The following COPS4 variants were observed in gnomAD, a reference collection of about 807,000 sequenced individuals.
COPS4 encodes COP9 signalosome subunit 4, also known as COP9 signalosome complex subunit 4.
In COPS4, 8 loss-of-function variants were observed where a neutral mutation model predicts 55.1. The observed-to-expected ratio is 0.15, with a 90% CI of 0.09 to 0.26. The LOEUF is 0.26. Ranked by LOEUF, COPS4 falls within the 10% of genes least tolerant of loss-of-function variation. The probability of loss-of-function intolerance (pLI) is 1.00; values close to 1 mark genes in which losing one functional copy is unlikely to be tolerated. For synonymous variants in COPS4, 185 were observed against 165.7 expected, an observed-to-expected ratio of 1.12 and a Z score of -0.90; for missense variants, 248 against 484.0, an observed-to-expected ratio of 0.51 and a Z score of 4.58.
chr4:83,062,458 G>T (rs959246321), intron 6 of COPS4, among the ~76,000 whole-genome samples: 5 of 152,182 alleles, frequency 3.3e-5, no homozygotes, highest in African/African-American at 9.7e-5. Flanking sequence ...TTGCAGATAT[G>T]TGCAGGGTGG....
Position 83,068,322 on chromosome 4 carries a change from A to C in COPS4, c.1003-116A>C, listed in dbSNP as rs1045680286. 7.4e-6 allele frequency: 5 copies of C among 674,266 alleles called. 1 individual carries two copies. In the South Asian group the frequency reaches 8.5e-5, roughly 11 times the overall value. The allele number at this position is 674,266 out of a possible 1,614,324, so 41.8% of individuals were successfully genotyped here. A position where few individuals can be genotyped will look rare whatever the true frequency, so the allele number is the denominator to read the frequency against. On this transcript the variant is annotated intron_variant, in intron 8 of 9. Coordinates refer to ENST00000264389, the MANE Select transcript of COPS4 (RefSeq NM_016129.3). ...GATTTACTCTTCTAGTGGCAGATTA[A>C]TGTATATGTAAAGTTTAGTGATGGT...
chr4:83,044,225 ACC>A (rs1193283835), intron 1 of COPS4, among the ~76,000 whole-genome samples: 4 of 149,788 alleles, frequency 2.7e-5, no homozygotes, highest in South Asian at 2.1e-4. Flanking sequence ...TGGGCGGATC[ACC>A]TGAGGTCAGG....
At chr4:83,067,224 C>A (rs749831438) in intron 8 of COPS4, among the ~76,000 whole-genome samples, 1 of 151,778 alleles carries the variant, frequency 6.6e-6, no homozygotes, top group Non-Finnish European at 1.5e-5. Context: ...CACATCACCA[C>A]GCCTGGCTAA....
At chr4:83,070,921 T>C (rs1423047727) in intron 9 of COPS4, among the ~76,000 whole-genome samples, 3 of 152,212 alleles carry the variant, frequency 2.0e-5, no homozygotes, top group Admixed American at 6.5e-5. Context: ...TTCTCTTGCA[T>C]AAGTCTTCTT....
At chr4:83,062,978 T>A (rs1375515069) in intron 6 of COPS4, 98 bp from the exon 7 acceptor site, 6 of 1,006,390 alleles carry the variant, frequency 6.0e-6, no homozygotes, top group Non-Finnish European at 8.7e-6. Context: ...GCTGTATATT[T>A]AGTAGACAAA....
chr4:83,063,744 T>C (rs1292565275), intron 7 of COPS4, among the ~76,000 whole-genome samples: 5 of 143,428 alleles, frequency 3.5e-5, no homozygotes, highest in Non-Finnish European at 7.6e-5. Context: ...AGTTTTACTC[T>C]TGTCGCCCAG....
Position 83,063,238 on chromosome 4 carries a change from C to T in COPS4, c.878C>T (p.Thr293Ile). The change falls in exon 7 of 10, where the codon ACA becomes ATA. Residue 293 changes from threonine to isoleucine, a missense_variant. Thr to Ile is a moderately conservative substitution (Grantham distance 89). Coordinates refer to ENST00000264389, the MANE Select transcript of COPS4 (RefSeq NM_016129.3). ...AMLMPHQKAT[T>I]ADGSSILDRA... is the part of the protein sequence containing the mutation. ...CTGATGCCTCACCAAAAAGCAACTA[C>T]AGCTGATGGTAATGATCCTGTCTTA... 3.1e-6 allele frequency: 5 copies of T among 1,612,618 alleles called. No homozygotes were observed. Among genetic ancestry groups the T allele is most frequent in the Non-Finnish European group, 4.2e-6 (5 of 1,179,386 alleles).
In COPS4 at chr4:83,049,207, C is replaced by A; in HGVS notation, c.196C>A (p.Leu66Met). 1 of 1,607,790 alleles carries A rather than the reference C, an allele frequency of 6.2e-7. No homozygotes were observed. Among genetic ancestry groups the A allele is most frequent in the Middle Eastern group, 1.7e-4 (1 of 6,050 alleles). ...NVSLVISRQL[L>M]TDFCTHLPNL... is the part of the protein sequence containing the mutation. ...CAGTCTCGTGATCTCGCGGCAGTTGCTGACTGATTTTTGCACACATCTTCC... is the reference window on the plus strand; with the variant it reads ...CAGTCTCGTGATCTCGCGGCAGTTGATGACTGATTTTTGCACACATCTTCC... Residue 66 changes from leucine (L) to methionine (M), a missense_variant, in exon 3 of 10, where the codon CTG becomes ATG. By Grantham distance (15) the Leu-to-Met change is conservative. Transcript: ENST00000264389.
At chr4:83,067,224 C>T (rs749831438) in intron 8 of COPS4, among the ~76,000 whole-genome samples, 26 of 151,778 alleles carry the variant, frequency 1.7e-4, no homozygotes, top group Non-Finnish European at 3.1e-4. Context: ...CACATCACCA[C>T]GCCTGGCTAA....
intron 9 of COPS4, among the ~76,000 whole-genome samples, chr4:83,072,806 G>C (rs1414291195): frequency 6.6e-6 from 1 of 152,040 alleles, no homozygotes; most frequent in Non-Finnish European, 1.5e-5. Flanking sequence ...CAATAATATG[G>C]TAATAAACAA....
intron 7 of COPS4, chr4:83,065,182 T>G (rs1167715497): frequency 4.3e-6 from 2 of 466,200 alleles, no homozygotes; most frequent in Non-Finnish European, 7.6e-6. Flanking sequence ...GCCTGCTTTT[T>G]TGAACATATT....
intron 9 of COPS4, among the ~76,000 whole-genome samples, chr4:83,071,864 A>C (rs1160239445): frequency 6.6e-6 from 1 of 151,892 alleles, no homozygotes; most frequent in Admixed American, 6.6e-5. Context: ...GGCACACGCC[A>C]CCATACCCAG....
chr4:83,042,243 A>C (rs1021796790), intron 1 of COPS4, among the ~76,000 whole-genome samples: 1 of 152,206 alleles, frequency 6.6e-6, no homozygotes, highest in Non-Finnish European at 1.5e-5. Context: ...ATGATCTTCA[A>C]ATACAAAGGT....
intron 4 of COPS4, 149 bp from the exon 5 acceptor site, chr4:83,056,777 C>T (rs964704930): frequency 4.2e-5 from 24 of 575,276 alleles, no homozygotes; most frequent in Non-Finnish European, 5.1e-5. Context: ...CCAGCCTGGG[C>T]GACAGAGCAA....
At chr4:83,060,339 A>G (rs1485479891) in intron 6 of COPS4, among the ~76,000 whole-genome samples, 10 of 127,064 alleles carry the variant, frequency 7.9e-5, no homozygotes, top group Non-Finnish European at 1.4e-4. Flanking sequence ...GCCCGCCACC[A>G]CGCGCAGCTA....
chr4:83,061,132 GA>G (rs1731156334), intron 6 of COPS4, among the ~76,000 whole-genome samples: 1 of 151,222 alleles, frequency 6.6e-6, no homozygotes, highest in Non-Finnish European at 1.5e-5. Flanking sequence ...TCTTCTGCAT[GA>G]ACTTTTTTTT....
chr4:83,054,893 TCTGA>T (rs1730978483), intron 4 of COPS4, among the ~76,000 whole-genome samples: 1 of 152,246 alleles, frequency 6.6e-6, no homozygotes, highest in Non-Finnish European at 1.5e-5. Context: ...AATGATTCAT[TCTGA>T]TTATGAAAGT....
intron 8 of COPS4, among the ~76,000 whole-genome samples, chr4:83,068,014 C>T (rs1731331507): frequency 6.6e-6 from 1 of 152,016 alleles, no homozygotes; most frequent in Admixed American, 6.6e-5. Flanking sequence ...TCTTTTAAAC[C>T]CTTTCAATTT....
At chr4:83,068,856 G>T (rs1731351666) in intron 9 of COPS4, among the ~76,000 whole-genome samples, 1 of 151,926 alleles carries the variant, frequency 6.6e-6, no homozygotes, top group African/African-American at 2.4e-5. Flanking sequence ...TGTAGTCCCA[G>T]CTACTCAGGA....
Sources: allele counts gnomAD v4.1 joint callset (sites outside exome capture counted in the v4.1 genomes callset), GRCh38; gene constraint gnomAD v4.1.1; transcripts MANE v1.5; gene names NCBI Gene and HGNC (gene_info 2026-07-23, HGNC 2026-07-21).